SLC16A12: variants seen among roughly 807,000 people sequenced by gnomAD.
SLC16A12 encodes the protein solute carrier family 16 member 12, also known as monocarboxylate transporter 12.
In SLC16A12, 17 loss-of-function variants were observed where a neutral mutation model predicts 42.4. That is an observed-to-expected ratio of 0.40 (90% CI 0.27 to 0.60). SLC16A12 has a LOEUF of 0.60. Ranked by LOEUF, SLC16A12 falls within the 20% of genes least tolerant of loss-of-function variation. The pLI, the probability that SLC16A12 is intolerant of heterozygous loss-of-function variation, is 0.42. For synonymous variants in SLC16A12, 224 were observed against 229.4 expected (o/e 0.98, Z 0.21); for missense variants, 544 against 623.0 (o/e 0.87, Z 1.35).
chr10:89,456,063 T>G (rs1842184447), intron 3 of SLC16A12: 1 of 152,228 alleles, frequency 6.6e-6, no homozygotes, highest in African/African-American at 2.4e-5. Context: ...CTCTGTCTCC[T>G]ATACAGTGAG....
intron 2 of SLC16A12, among the ~76,000 whole-genome samples, chr10:89,518,496 T>C (rs1458172349): frequency 6.6e-6 from 1 of 152,212 alleles, no homozygotes; most frequent in Non-Finnish European, 1.5e-5. Context: ...CTGTTCACGG[T>C]GCAAGCCTAA....
At chr10:89,461,175 G>C (rs940372886) in intron 3 of SLC16A12, among the ~76,000 whole-genome samples, 1 of 152,174 alleles carries the variant, frequency 6.6e-6, no homozygotes, top group Non-Finnish European at 1.5e-5. Context: ...TGAGATGGAT[G>C]AGTCTTAATG....
At chr10:89,520,945 T>C (rs1417543506) in intron 2 of SLC16A12, among the ~76,000 whole-genome samples, 1 of 152,176 alleles carries the variant, frequency 6.6e-6, no homozygotes, top group East Asian at 1.9e-4. Context: ...ACGTACATGC[T>C]CAGTAAATGG....
At chr10:89,475,415 A>T (rs916942344) in intron 2 of SLC16A12, among the ~76,000 whole-genome samples, 11 of 152,116 alleles carry the variant, frequency 7.2e-5, no homozygotes, top group African/African-American at 2.7e-4. Flanking sequence ...CCAAGCACCC[A>T]ATTGTTTTCA....
chr10:89,458,573 G>A (rs1287848442), intron 3 of SLC16A12, among the ~76,000 whole-genome samples: 2 of 152,172 alleles, frequency 1.3e-5, no homozygotes, highest in Non-Finnish European at 2.9e-5. Flanking sequence ...TATTTCTGGA[G>A]TGAACTGATT....
intron 2 of SLC16A12, among the ~76,000 whole-genome samples, chr10:89,514,576 TC>T (rs2133844136): frequency 6.6e-6 from 1 of 152,236 alleles, no homozygotes; most frequent in Non-Finnish European, 1.5e-5. Context: ...GACAGATTTT[TC>T]TCTCTTCCTG....
intron 2 of SLC16A12, among the ~76,000 whole-genome samples, chr10:89,523,213 G>T (rs1368808488): frequency 1.3e-5 from 2 of 152,144 alleles, no homozygotes; most frequent in Admixed American, 1.3e-4. Flanking sequence ...GGAAGAGAAG[G>T]AAAAAGCAGG....
At chr10:89,555,616 C>T (rs1212000120) in intron 2 of SLC16A12, among the ~76,000 whole-genome samples, 1 of 136,470 alleles carries the variant, frequency 7.3e-6, no homozygotes, top group Non-Finnish European at 1.5e-5. Context: ...CATATATATA[C>T]AGATATGTAT....
chr10:89,472,778 C>A (rs767265303), intron 2 of SLC16A12, among the ~76,000 whole-genome samples: 18 of 151,450 alleles, frequency 1.2e-4, no homozygotes, highest in Non-Finnish European at 1.9e-4. Context: ...CAGGTGTGAG[C>A]CACCGTGCCT....
At chr10:89,441,813 C>T (rs1203684800) in intron 4 of SLC16A12, among the ~76,000 whole-genome samples, 1 of 152,164 alleles carries the variant, frequency 6.6e-6, no homozygotes, top group Non-Finnish European at 1.5e-5. Context: ...CCCATGGTGA[C>T]ATTCTGGTTG....
At chr10:89,514,987 G>A (rs1394261854) in intron 2 of SLC16A12, among the ~76,000 whole-genome samples, 2 of 152,118 alleles carry the variant, frequency 1.3e-5, no homozygotes. Flanking sequence ...AGCTACTTGG[G>A]AGGCTGAGGC....
At chr10:89,436,374 C>A (rs955127993) in intron 6 of SLC16A12, 55 bp from the exon 7 acceptor site, 3 of 1,606,106 alleles carry the variant, frequency 1.9e-6, no homozygotes, top group Non-Finnish European at 2.6e-6. Flanking sequence ...TGTAAAAGAG[C>A]TTTAGAGCCA....
At chr10:89,463,987 T>C (rs1482721903) in intron 2 of SLC16A12, among the ~76,000 whole-genome samples, 1 of 152,178 alleles carries the variant, frequency 6.6e-6, no homozygotes, top group Non-Finnish European at 1.5e-5. Flanking sequence ...GCACCTGTGA[T>C]GGAACCTGAC....
At chr10:89,539,902 T>TTTCTTTCTTTCTTTCTTTCTTTCC (rs1491094652), upstream of SLC16A12, among the ~76,000 whole-genome samples, 7 of 147,986 alleles carry the variant, frequency 4.7e-5, no homozygotes, top group African/African-American at 1.8e-4. Context: ...TCTTTCTTTC[T>TTTCTTTCTTTCTTTCTTTCTTTCC]TTCTTTCTTT....
chr10:89,504,526 CT>C (rs1843031809), intron 2 of SLC16A12, among the ~76,000 whole-genome samples: 1 of 152,104 alleles, frequency 6.6e-6, no homozygotes, highest in Non-Finnish European at 1.5e-5. Flanking sequence ...AGATTTTCCG[CT>C]TTTTCCAAGT....
At chr10:89,498,546 A>G (rs188759944) in intron 2 of SLC16A12, among the ~76,000 whole-genome samples, 4 of 152,326 alleles carry the variant, frequency 2.6e-5, no homozygotes, top group East Asian at 1.9e-4. Flanking sequence ...GGAATATTAT[A>G]TTTTAAAATG....
chr10:89,451,311 A>G (rs1842093304), intron 3 of SLC16A12, among the ~76,000 whole-genome samples: 3 of 152,190 alleles, frequency 2.0e-5, no homozygotes, highest in Admixed American at 6.5e-5. Flanking sequence ...CAAGACTGCC[A>G]TGTTAGGCAG....
In SLC16A12 at chr10:89,493,320, G is replaced by A. The variant is rs536241990; in HGVS notation, c.-46-30696C>T. 7.3e-5 allele frequency among the ~76,000 whole-genome samples: 11 copies of A among 151,380 alleles called. No homozygotes were observed. In the East Asian group the frequency reaches 2.1e-3, roughly 29 times the overall value. On this transcript the variant is annotated intron_variant, in intron 2 of 7. Coordinates refer to ENST00000371790, the MANE Select transcript of SLC16A12 (RefSeq NM_213606.4). Reference sequence around the variant, plus strand: ...TCACTGCAACCTCCGCCTCCTGGGTGTTAGCGATTCTCATGCCTCTGCCTC... The same window carrying A: ...TCACTGCAACCTCCGCCTCCTGGGTATTAGCGATTCTCATGCCTCTGCCTC...
chr10:89,499,380 G>A (rs922001503), intron 2 of SLC16A12, among the ~76,000 whole-genome samples: 5 of 151,938 alleles, frequency 3.3e-5, no homozygotes, highest in Non-Finnish European at 5.9e-5. Context: ...CATGGAGAAC[G>A]CTCGTCTCTA....
Sources: allele counts gnomAD v4.1 joint callset (sites outside exome capture counted in the v4.1 genomes callset), GRCh38; gene constraint gnomAD v4.1.1; transcripts MANE v1.5; gene names NCBI Gene and HGNC (gene_info 2026-07-23, HGNC 2026-07-21).